The following GJD4 variants were observed in gnomAD, a reference collection of about 807,000 sequenced individuals.
GJD4 encodes the protein gap junction delta-4 protein.
GJD4 carries 18 observed loss-of-function variants against 17.9 expected under a neutral mutation model. That is an observed-to-expected ratio of 1.00 (90% CI 0.69 to 1.49). The LOEUF (loss-of-function observed/expected upper bound fraction) is 1.49. Ranked by LOEUF, GJD4 falls within the 40% of genes most tolerant of loss-of-function variation. The pLI, the probability that GJD4 is intolerant of heterozygous loss-of-function variation, is 0.00. For missense variants in GJD4, 639 were observed against 506.9 expected (o/e 1.26, Z -2.50); for synonymous variants, 293 against 236.8 (o/e 1.24, Z -2.18).
rs761330756 is a variant in GJD4, at chr10:35,608,018, G to A, written c.505G>A (p.Ala169Thr). The A allele has an allele frequency of 6.2e-7, 1 of 1,611,620 alleles. No individual in the cohort carries two copies. The change falls in exon 2 of 2, where the codon GCC becomes ACC. Residue 169 changes from alanine (A) to threonine (T), a missense_variant. By Grantham distance (58) the Ala-to-Thr change is moderately conservative. Coordinates refer to ENST00000321660, the MANE Select transcript of GJD4 (RefSeq NM_153368.3). ...GCACTACTTTCTCTTTGGATTCCTG[G>A]CCCCGAAGAAGTTCCCTTGCACGCG... ...ALHYFLFGFL[A>T]PKKFPCTRPP...
intron 1 of GJD4, chr10:35,606,000 G>T: frequency 1.0e-5 from 2 of 198,276 alleles, no homozygotes; most frequent in Non-Finnish European, 2.0e-5. Context: ...AACAACAAAT[G>T]TTAATCAGAA....
Position 35,608,406 on chromosome 10 carries a change from T to A in GJD4, c.893T>A (p.Val298Glu). ...TKIPDEDESE[V>E]TSSASEKLGR... is the part of the protein sequence containing the mutation. ...ATTCCGGATGAGGATGAGAGTGAGG[T>A]GACATCCTCCGCCAGCGAAAAGCTG... Residue 298 changes from valine to glutamate, a missense_variant, in exon 2 of 2, where the codon GTG becomes GAG. Transcript: ENST00000321660. 6.5e-7 allele frequency: 1 copy of A among 1,548,986 alleles called. No individual in the cohort carries two copies. The highest frequency in any genetic ancestry group is 1.2e-5 in the South Asian group (1 of 84,036).
rs778695135 is a variant in GJD4, at chr10:35,608,290, A to G, written c.777A>G (p.Glu259=). 3 of 1,555,050 alleles carry G rather than the reference A, an allele frequency of 1.9e-6. No individual in the cohort carries two copies. Among genetic ancestry groups the G allele is most frequent in the African/African-American group, 2.7e-5 (2 of 73,598 alleles). Residue 259 remains glutamate (E), a synonymous_variant, in exon 2 of 2, where the codon GAA becomes GAG. Coordinates refer to ENST00000321660, the MANE Select transcript of GJD4 (RefSeq NM_153368.3). ...CTGACGAGGAGGGTGGGCGGGAGGA[A>G]GAGGGGGCACCGGCGCCCCCGGGTG... ...RRTDEEGGRE[E]EGAPAPPGAR...
At chr10:35,605,708 G>T in intron 1 of GJD4, 77 bp downstream of exon 1, 1 of 1,150,290 alleles carries the variant, frequency 8.7e-7, no homozygotes, top group Non-Finnish European at 1.3e-6. Context: ...TCCTTAAAGG[G>T]TCCAGGTATT....
At chr10:35,607,238 A>T in intron 1 of GJD4, 1 of 277,980 alleles carries the variant, frequency 3.6e-6, no homozygotes, top group Non-Finnish European at 6.7e-6. Flanking sequence ...TCTTACAAAC[A>T]AGGATGTTCA....
chr10:35,607,850 GA>G lies in GJD4; in HGVS notation c.338del (p.Asp113AlafsTer85), dbSNP rs1371875836. ...LAALGPRRCP[D>X]PREPASGQRR... ...CGCGCTGGGCCCCCGCCGCTGCCCCGACCCCCGGGAGCCGGCCTCCGGGCAG... is the reference window on the plus strand; with the variant it reads ...CGCGCTGGGCCCCCGCCGCTGCCCCGCCCCCGGGAGCCGGCCTCCGGGCAG... On this transcript the variant is annotated frameshift_variant, in exon 2 of 2. Coordinates refer to ENST00000321660, the MANE Select transcript of GJD4 (RefSeq NM_153368.3). LOFTEE classifies it high-confidence loss of function. The G allele has an allele frequency of 1.3e-6, 2 of 1,599,184 alleles. No homozygotes were observed. Among genetic ancestry groups the G allele is most frequent in the African/African-American group, 2.7e-5 (2 of 74,664 alleles).
chr10:35,608,780 A>T lies in GJD4; in HGVS notation c.*154A>T. ...AATGAGACCCTCGTCTCTACAAAAT[A>T]TCTAAAAATTAGCTGGGCACAGTGG... On this transcript the variant is annotated 3_prime_UTR_variant, in exon 2 of 2. Coordinates refer to ENST00000321660, the MANE Select transcript of GJD4 (RefSeq NM_153368.3). 1.8e-6 allele frequency: 1 copy of T among 558,384 alleles called. No homozygotes were observed. The highest frequency in any genetic ancestry group is 3.1e-6 in the Non-Finnish European group (1 of 327,290). 34.6% of individuals were successfully genotyped at this position (558,384 alleles called of 1,614,324 possible). A position where few individuals can be genotyped will look rare whatever the true frequency, so the allele number is the denominator to read the frequency against.
In GJD4 at chr10:35,607,642, C is replaced by T. The variant is rs369476272; in HGVS notation, c.129C>T (p.Pro43=). The change falls in exon 2 of 2, where the codon CCC becomes CCT. Residue 43 remains proline, a synonymous_variant. Transcript: ENST00000321660. ...RMLVIVLAGR[P]VYQDEQERFV... ...TGGTGATTGTCTTGGCGGGGCGACC[C>T]GTCTACCAGGACGAGCAGGAGAGGT... 2.5e-6 allele frequency: 4 copies of T among 1,614,208 alleles called. No homozygotes were observed. Among genetic ancestry groups the T allele is most frequent in the East Asian group, 2.2e-5 (1 of 44,888 alleles).
Position 35,608,095 on chromosome 10 carries a change from G to A in GJD4, c.582G>A (p.Lys194=). ...GCTACGTGTCGCGGCCCACAGAGAA[G>A]TCCCTGCTGATGCTGTTCCTCTGGG... ...VDCYVSRPTE[K]SLLMLFLWAV... The change falls in exon 2 of 2, where the codon AAG becomes AAA. Residue 194 remains lysine, a synonymous_variant. Transcript: ENST00000321660. 2.5e-6 allele frequency: 4 copies of A among 1,609,716 alleles called. No homozygotes were observed. In the South Asian group the frequency reaches 3.3e-5, roughly 13 times the overall value.
Position 35,608,580 on chromosome 10 carries a change from C to G in GJD4, c.1067C>G (p.Ser356Cys), listed in dbSNP as rs772453319. ...CAGCCCCCTGACCCGCCTGCCAGCT[C>G]CAGTGGTGCTCCCCACCTGAGAGCC... is the stretch of plus-strand genomic sequence containing the variant. ...SLQPPDPPAS[S>C]SGAPHLRARK... The change falls in exon 2 of 2, where the codon TCC (serine) becomes TGC (cysteine). Residue 356 changes from serine (S) to cysteine (C), a missense_variant. By Grantham distance (112) the Ser-to-Cys change is moderately radical. Coordinates refer to ENST00000321660, the MANE Select transcript of GJD4 (RefSeq NM_153368.3). 3.1e-5 allele frequency: 48 copies of G among 1,544,288 alleles called. No homozygotes were observed. In the African/African-American group the frequency reaches 5.1e-4, roughly 16 times the overall value.
chr10:35,607,396 G>T, intron 1 of GJD4, 182 bp from the exon 2 acceptor site: 1 of 608,558 alleles, frequency 1.6e-6, no homozygotes, highest in South Asian at 2.0e-5. Context: ...GACCAGCCTG[G>T]GCAATATAGC....
Position 35,607,726 on chromosome 10 carries a change from C to T in GJD4, c.213C>T (p.Pro71=), listed in dbSNP as rs766580877. ...CANVCYDVFS[P]VSHLRFWLIQ... is the part of the protein sequence containing the mutation. ...ATGTTTGCTACGACGTCTTCTCCCCCGTGTCTCACCTGCGGTTCTGGCTGA... is the reference window on the plus strand; with the variant it reads ...ATGTTTGCTACGACGTCTTCTCCCCTGTGTCTCACCTGCGGTTCTGGCTGA... Residue 71 remains proline (P), a synonymous_variant, in exon 2 of 2, where the codon CCC becomes CCT. Transcript: ENST00000321660. 4 of 1,613,856 alleles carry T rather than the reference C, an allele frequency of 2.5e-6. No individual in the cohort carries two copies. The highest frequency in any genetic ancestry group is 3.4e-6 in the Non-Finnish European group (4 of 1,180,046).
At chr10:35,605,723 C>T in intron 1 of GJD4, 92 bp downstream of exon 1, 2 of 1,028,840 alleles carry the variant, frequency 1.9e-6, no homozygotes, top group Admixed American at 3.9e-5. Context: ...GGTATTTACT[C>T]ATTTTCAGTG....
chr10:35,606,779 G>A (rs1321996718), intron 1 of GJD4: 2 of 152,246 alleles, frequency 1.3e-5, no homozygotes, highest in East Asian at 3.9e-4. Flanking sequence ...CAGTTATTTT[G>A]GTTTTCTAGC....
In GJD4 at chr10:35,607,580, A is replaced by C. The variant is rs775518304; in HGVS notation, c.67A>C (p.Lys23Gln). 6.2e-7 allele frequency: 1 copy of C among 1,612,974 alleles called. No homozygotes were observed. The highest frequency in any genetic ancestry group is 8.5e-7 in the Non-Finnish European group (1 of 1,179,058). The change falls in exon 2 of 2, where the codon AAG becomes CAG. Residue 23 changes from lysine to glutamine, a missense_variant and splice_region_variant. Physicochemically the swap from Lys to Gln is moderately conservative, Grantham distance 53. Coordinates refer to ENST00000321660, the MANE Select transcript of GJD4 (RefSeq NM_153368.3). Reference sequence around the variant, plus strand: ...CATGCCCGCTTCCTCTCTTCCAGGAAAGCTCTGGTTCGTCCTCACGATGCT... The same window carrying C: ...CATGCCCGCTTCCTCTCTTCCAGGACAGCTCTGGTTCGTCCTCACGATGCT... ...TLNCNVTMVG[K>Q]LWFVLTMLLR...
At position 35,608,476 on chromosome 10, in the gene GJD4, C is replaced by G; in HGVS notation, c.963C>G (p.Asp321Glu). Residue 321 changes from aspartate to glutamate, a missense_variant, in exon 2 of 2, where the codon GAC becomes GAG. Transcript: ENST00000321660. Reference protein sequence around the residue: ...RGRPHREAAQDPRGSGSEEQP... With the variant: ...RGRPHREAAQEPRGSGSEEQP... ...GGCCCCACCGAGAGGCCGCCCAGGA[C>G]CCCAGGGGCTCAGGATCCGAGGAGC... The G allele has an allele frequency of 6.5e-7, 1 of 1,549,166 alleles. No individual in the cohort carries two copies. The highest frequency in any genetic ancestry group is 8.7e-7 in the Non-Finnish European group (1 of 1,147,064).
intron 1 of GJD4, 188 bp downstream of exon 1, chr10:35,605,819 C>T (rs1320440851): frequency 5.0e-6 from 3 of 600,752 alleles, no homozygotes; most frequent in African/African-American, 3.7e-5. Flanking sequence ...CTTCTAGTTT[C>T]TTTGAATGGT....
Position 35,608,208 on chromosome 10 carries a change from C to G in GJD4, c.695C>G (p.Thr232Arg). ...RRMRRRPGPP[T>R]SPSIRKQSGA... The stretch of plus-strand genomic sequence containing the variant: ...ATGCGCAGGAGGCCGGGACCCCCCA[C>G]AAGCCCCTCCATCCGGAAGCAGAGC... The change falls in exon 2 of 2, where the codon ACA becomes AGA. Residue 232 changes from threonine (T) to arginine (R), a missense_variant. Thr to Arg is a moderately conservative substitution (Grantham distance 71). Transcript: ENST00000321660. The G allele has an allele frequency of 6.3e-7, 1 of 1,589,116 alleles. No homozygotes were observed. Among genetic ancestry groups the G allele is most frequent in the Non-Finnish European group, 8.5e-7 (1 of 1,173,170 alleles).
rs1175684732 is a variant in GJD4 at position 35,608,311 on chromosome 10, G to C, written c.798G>C (p.Pro266=). The change falls in exon 2 of 2, where the codon CCG becomes CCC. Residue 266 remains proline, a synonymous_variant. Transcript: ENST00000321660. ...AGGAAGAGGGGGCACCGGCGCCCCCGGGTGCACGCGCCGGAGGGGAGGGGG... is the reference window on the plus strand; with the variant it reads ...AGGAAGAGGGGGCACCGGCGCCCCCCGGTGCACGCGCCGGAGGGGAGGGGG... ...GREEEGAPAP[P]GARAGGEGAG... 1.9e-6 allele frequency: 3 copies of C among 1,547,786 alleles called. No homozygotes were observed. Among genetic ancestry groups the C allele is most frequent in the East Asian group, 2.4e-5 (1 of 41,482 alleles).
Sources: gnomAD v4.1 joint callset for allele counts on GRCh38, gnomAD v4.1.1 for gene constraint, MANE v1.5 for transcripts, NCBI Gene and HGNC (gene_info 2026-07-23, HGNC 2026-07-21) for gene names.